SCPEP1: variants seen among roughly 807,000 people sequenced by gnomAD.
The protein encoded by SCPEP1 is serine carboxypeptidase 1, also known as retinoid-inducible serine carboxypeptidase.
Under a neutral mutation model 63.8 loss-of-function variants are expected in SCPEP1, and 51 were observed. The ratio of observed to expected loss-of-function variants is 0.80; its 90% CI spans 0.64 to 1.01. The LOEUF (loss-of-function observed/expected upper bound fraction) is 1.01, where lower values mean the gene tolerates loss of function less well. Among genes scored for constraint, SCPEP1 ranks in the 50% least tolerant of loss-of-function variants. The pLI is 0.00. For missense variants in SCPEP1, 499 were observed against 554.9 expected (o/e 0.90, Z 1.01); for synonymous variants, 204 against 207.8 (o/e 0.98, Z 0.16).
Position 56,991,103 on chromosome 17 carries a change from T to G in SCPEP1, c.551T>G (p.Ile184Ser). ...GTTTCTTGTTTCCTCTTTCAGGCCA[T>G]TCAGCGAGGGACCATCAAGTGCAAC... is the stretch of plus-strand genomic sequence containing the variant. ...AGIGLELYKAIQRGTIKCNFA... is the reference protein window; with the variant it reads ...AGIGLELYKASQRGTIKCNFA... The change falls in exon 6 of 13, where the codon ATT (isoleucine) becomes AGT (serine). Residue 184 changes from isoleucine (I) to serine (S), a missense_variant. Coordinates refer to ENST00000262288, the MANE Select transcript of SCPEP1 (RefSeq NM_021626.3). The G allele has an allele frequency of 1.2e-6, 2 of 1,613,694 alleles. No homozygotes were observed. The highest frequency in any genetic ancestry group is 1.7e-6 in the Non-Finnish European group (2 of 1,179,596).
intron 6 of SCPEP1, among the ~76,000 whole-genome samples, chr17:56,993,150 C>G (rs895471119): frequency 6.6e-6 from 1 of 152,190 alleles, no homozygotes; most frequent in Non-Finnish European, 1.5e-5. Flanking sequence ...TGTCACTAAG[C>G]CCATGTGACC....
intron 6 of SCPEP1, among the ~76,000 whole-genome samples, chr17:56,993,954 C>G (rs1192503581): frequency 6.6e-6 from 1 of 152,188 alleles, no homozygotes; most frequent in African/African-American, 2.4e-5. Context: ...AACTAAGAAA[C>G]AAGTTTGAAG....
intron 12 of SCPEP1, among the ~76,000 whole-genome samples, chr17:57,005,274 G>T (rs8068009): frequency 0.02 from 3,046 of 152,304 alleles, 96 homozygotes; most frequent in African/African-American, 0.068. Flanking sequence ...CCCTGACGAG[G>T]CTGGTAGGAA....
At chr17:56,991,685 G>A (rs913978092) in intron 6 of SCPEP1, among the ~76,000 whole-genome samples, 1 of 152,260 alleles carries the variant, frequency 6.6e-6, no homozygotes, top group Admixed American at 6.5e-5. Context: ...GCATAAATAA[G>A]AGTTGTTTAT....
At chr17:56,986,636 C>T (rs1219923167) in intron 3 of SCPEP1, among the ~76,000 whole-genome samples, 11 of 152,042 alleles carry the variant, frequency 7.2e-5, no homozygotes, top group East Asian at 1.9e-4. Flanking sequence ...AGCTCCGCCT[C>T]CCGGGTTCAC....
chr17:57,001,664 C>T (rs1911743178), intron 11 of SCPEP1, among the ~76,000 whole-genome samples: 1 of 152,182 alleles, frequency 6.6e-6, no homozygotes, highest in African/African-American at 2.4e-5. Flanking sequence ...CCAGGTGATC[C>T]TTATCACTAT....
chr17:57,000,230 G>C (rs979273217), intron 10 of SCPEP1, among the ~76,000 whole-genome samples: 4 of 152,136 alleles, frequency 2.6e-5, no homozygotes, highest in Admixed American at 1.3e-4. Context: ...GAAGAAAATG[G>C]GATGTTGCTT....
At position 56,995,500 on chromosome 17, in the gene SCPEP1, A is replaced by G. The variant is rs767983360; in HGVS notation, c.658-7A>G. 1.2e-6 allele frequency: 2 copies of G among 1,609,958 alleles called. No homozygotes were observed. The highest frequency in any genetic ancestry group is 1.7e-4 in the Middle Eastern group (1 of 6,034). ...GTGGGTCTTTTTGCTCTTGGTTTGCATTCCAGTCTCTTCTCGAAGACAAAG... is the reference window on the plus strand; with the variant it reads ...GTGGGTCTTTTTGCTCTTGGTTTGCGTTCCAGTCTCTTCTCGAAGACAAAG... On this transcript the variant is annotated splice_polypyrimidine_tract_variant and splice_region_variant and intron_variant, in intron 7 of 12. Coordinates refer to ENST00000262288, the MANE Select transcript of SCPEP1 (RefSeq NM_021626.3).
Position 57,000,990 on chromosome 17 carries a change from T to C in SCPEP1, c.1130T>C (p.Met377Thr). Residue 377 changes from methionine to threonine, a missense_variant and splice_region_variant, in exon 11 of 13, where the codon ATG becomes ACG. Coordinates refer to ENST00000262288, the MANE Select transcript of SCPEP1 (RefSeq NM_021626.3). ...CAGCTGGATCTCATCGTAGATACCA[T>C]GGGTAGGAATTGACTCTGAGAGGCA... ...NGQLDLIVDT[M>T]GQEAWVRKLK... The C allele has an allele frequency of 6.2e-7, 1 of 1,614,130 alleles. No individual in the cohort carries two copies. The highest frequency in any genetic ancestry group is 1.1e-5 in the South Asian group (1 of 91,072).
intron 2 of SCPEP1, among the ~76,000 whole-genome samples, chr17:56,982,581 C>T (rs1911100872): frequency 6.6e-6 from 1 of 152,144 alleles, no homozygotes; most frequent in African/African-American, 2.4e-5. Context: ...CAGGGAGAGC[C>T]AGGCCGTGGA....
chr17:56,987,310 T>G (rs1044250054), intron 3 of SCPEP1: 1 of 160,524 alleles, frequency 6.2e-6, no homozygotes, highest in East Asian at 1.8e-4. Flanking sequence ...GTCCAGACTT[T>G]GAGTGTCCTC....
At chr17:56,980,788 C>CAAAA (rs10716600) in intron 1 of SCPEP1, among the ~76,000 whole-genome samples, 24 of 77,064 alleles carry the variant, frequency 3.1e-4, no homozygotes, top group Admixed American at 6.3e-4. Context: ...GACTTCGTAT[C>CAAAA]AAAAAAAAAA....
At position 56,998,451 on chromosome 17, in the gene SCPEP1, C is replaced by T; in HGVS notation, c.947C>T (p.Pro316Leu). Residue 316 changes from proline to leucine, a missense_variant, in exon 10 of 13, where the codon CCC becomes CTC. Physicochemically the swap from Pro to Leu is moderately conservative, Grantham distance 98 (BLOSUM62 -3). Transcript: ENST00000262288. Reference protein sequence around the residue: ...RDALSQLMNGPIRKKLKIIPE... With the variant: ...RDALSQLMNGLIRKKLKIIPE... ...GCCTTAAGCCAGCTCATGAATGGCC[C>T]CATCAGAAAGAAGCTCAAAATTATT... 2 of 1,613,974 alleles carry T rather than the reference C, an allele frequency of 1.2e-6. No homozygotes were observed. Among genetic ancestry groups the T allele is most frequent in the Non-Finnish European group, 1.7e-6 (2 of 1,179,978 alleles).
In SCPEP1 at chr17:56,981,135, A is replaced by G; in HGVS notation, c.130A>G (p.Thr44Ala). Residue 44 changes from threonine to alanine, a missense_variant, in exon 2 of 13, where the codon ACG (threonine) becomes GCG (alanine). By Grantham distance (58) the Thr-to-Ala change is moderately conservative (BLOSUM62 0). Coordinates refer to ENST00000262288, the MANE Select transcript of SCPEP1 (RefSeq NM_021626.3). Reference protein sequence around the residue: ...EEGKEVWDYVTVRKDAYMFWW... With the variant: ...EEGKEVWDYVAVRKDAYMFWW... Reference sequence around the variant, plus strand: ...GGGCAAGGAAGTATGGGATTATGTGACGGTCCGCAAGGATGCCTACATGTT... The same window carrying G: ...GGGCAAGGAAGTATGGGATTATGTGGCGGTCCGCAAGGATGCCTACATGTT... 6.2e-7 allele frequency: 1 copy of G among 1,614,162 alleles called. No individual in the cohort carries two copies. The highest frequency in any genetic ancestry group is 1.3e-5 in the African/African-American group (1 of 75,024).
intron 5 of SCPEP1, among the ~76,000 whole-genome samples, chr17:56,989,926 C>T (rs979096305): frequency 6.0e-5 from 9 of 150,590 alleles, no homozygotes; most frequent in Non-Finnish European, 1.3e-4. Flanking sequence ...GGTGACAGAG[C>T]GAGACTCTTT....
At chr17:57,001,644 G>A (rs931239938) in intron 11 of SCPEP1, among the ~76,000 whole-genome samples, 4 of 146,412 alleles carry the variant, frequency 2.7e-5, no homozygotes, top group East Asian at 2.1e-4. Context: ...TGCATTTCTC[G>A]ATGAACATCC....
At chr17:57,001,948 A>G (rs1395484031) in intron 11 of SCPEP1, 70 bp from the exon 12 acceptor site, 2 of 1,516,666 alleles carry the variant, frequency 1.3e-6, no homozygotes, top group Non-Finnish European at 1.8e-6. Flanking sequence ...ACCAACTTTT[A>G]GGACCTAGAC....
Position 57,006,230 on chromosome 17 carries a change from G to C in SCPEP1, c.1354G>C (p.Glu452Gln). 1 of 1,611,648 alleles carries C rather than the reference G, an allele frequency of 6.2e-7. No individual in the cohort carries two copies. Among genetic ancestry groups the C allele is most frequent in the Non-Finnish European group, 8.5e-7 (1 of 1,178,926 alleles). Reference protein sequence around the residue: ...LKMMRLVTQQE With the variant: ...LKMMRLVTQQQ ...GATGATGAGACTGGTGACTCAGCAA[G>C]AATAGGATGGATGGGGCTGGAGATG... The change falls in exon 13 of 13, where the codon GAA (glutamate) becomes CAA (glutamine). Residue 452 changes from glutamate to glutamine, a missense_variant. Physicochemically the swap from Glu to Gln is conservative, Grantham distance 29. Transcript: ENST00000262288.
chr17:56,978,321 AACATG>A, intron 1 of SCPEP1, 86 bp downstream of exon 1: 1 of 1,404,134 alleles, frequency 7.1e-7, no homozygotes, highest in Non-Finnish European at 9.3e-7. Flanking sequence ...TGCTTTTGAA[AACATG>A]TCTCTTTTCC....
Sources: gnomAD v4.1 joint callset for allele counts (sites outside exome capture counted in the v4.1 genomes callset) on GRCh38, gnomAD v4.1.1 for gene constraint, MANE v1.5 for transcripts, NCBI Gene and HGNC (gene_info 2026-07-23, HGNC 2026-07-21) for gene names.